Variants in DENND5A observed in about 807,000 individuals in gnomAD.
The protein encoded by DENND5A is DENN domain-containing protein 5A.
DENND5A carries 64 observed loss-of-function variants against 140.3 expected under a neutral mutation model. The observed-to-expected ratio is 0.46, with a 90% CI of 0.37 to 0.56. DENND5A has a LOEUF of 0.56. DENND5A is among the 20% of genes least tolerant of loss of function. The probability of loss-of-function intolerance (pLI) is 0.00; values close to 1 mark genes in which losing one functional copy is unlikely to be tolerated. For synonymous variants in DENND5A, 605 were observed against 607.7 expected (o/e 1.00, Z 0.07); for missense variants, 1,292 against 1,593.8 (o/e 0.81, Z 3.22).
intron 10 of DENND5A, among the ~76,000 whole-genome samples, chr11:9,168,065 T>A (rs1038521073): frequency 6.6e-6 from 1 of 151,818 alleles, no homozygotes; most frequent in African/African-American, 2.4e-5. Context: ...TTTGTCACCT[T>A]TGTATTTCAA....
chr11:9,174,043 C>A (rs1414833590), intron 8 of DENND5A, among the ~76,000 whole-genome samples: 1 of 122,742 alleles, frequency 8.1e-6, no homozygotes, highest in Non-Finnish European at 1.6e-5. Context: ...GCAGAAGTTG[C>A]AGTGAGCCTA....
At chr11:9,249,222 C>T (rs570466891) in intron 1 of DENND5A, among the ~76,000 whole-genome samples, 6 of 150,226 alleles carry the variant, frequency 4.0e-5, no homozygotes, top group South Asian at 2.1e-4. Flanking sequence ...AGCGAGACTC[C>T]GACTCAAAAA....
intron 5 of DENND5A, among the ~76,000 whole-genome samples, chr11:9,192,367 G>A (rs1208555266): frequency 4.6e-5 from 7 of 152,150 alleles, no homozygotes; most frequent in African/African-American, 1.7e-4. Context: ...GGTGGCTCAC[G>A]CCTGTAATCC....
intron 7 of DENND5A, 110 bp from the exon 8 acceptor site, chr11:9,178,476 T>TACCA (rs1428403592): frequency 1.5e-6 from 1 of 667,378 alleles, no homozygotes; most frequent in Non-Finnish European, 2.6e-6. Context: ...TCTTTAAGAA[T>TACCA]ACCAAGCTGC....
At chr11:9,205,652 G>C (rs12271176) in intron 3 of DENND5A, among the ~76,000 whole-genome samples, 7,418 of 152,268 alleles carry the variant, frequency 0.049, 599 homozygotes, top group African/African-American at 0.17. Context: ...CAGCACTTTG[G>C]GAGGTCAAGG....
chr11:9,178,609 T>C (rs1209205562), intron 7 of DENND5A, among the ~76,000 whole-genome samples: 1 of 152,120 alleles, frequency 6.6e-6, no homozygotes, highest in East Asian at 1.9e-4. Context: ...AGAATCCTGA[T>C]GTTCACTCTA....
chr11:9,253,571 G>A (rs1851818379), intron 1 of DENND5A, among the ~76,000 whole-genome samples: 1 of 151,766 alleles, frequency 6.6e-6, no homozygotes, highest in African/African-American at 2.4e-5. Context: ...GGCCAGCCTG[G>A]GCAAGATGGT....
chr11:9,173,712 T>G (rs574813053), intron 8 of DENND5A, among the ~76,000 whole-genome samples: 16 of 152,322 alleles, frequency 1.1e-4, no homozygotes, highest in Admixed American at 2.0e-4. Context: ...AAAAGTAGAC[T>G]GTGATAAGTT....
At chr11:9,235,980 C>G (rs867936769) in intron 1 of DENND5A, among the ~76,000 whole-genome samples, 2 of 152,152 alleles carry the variant, frequency 1.3e-5, no homozygotes, top group Non-Finnish European at 2.9e-5. Flanking sequence ...GTGGCTCATA[C>G]CTGTAATCTC....
intron 3 of DENND5A, among the ~76,000 whole-genome samples, chr11:9,206,083 A>C (rs1849683203): frequency 6.6e-6 from 1 of 152,228 alleles, no homozygotes; most frequent in Admixed American, 6.5e-5. Flanking sequence ...TGTTTATTTA[A>C]TACTACCCAT....
At chr11:9,226,595 C>T (rs1190572837) in intron 1 of DENND5A, among the ~76,000 whole-genome samples, 2 of 152,096 alleles carry the variant, frequency 1.3e-5, no homozygotes, top group African/African-American at 4.8e-5. Flanking sequence ...AATTATTTAA[C>T]ACAATAAAGT....
intron 1 of DENND5A, among the ~76,000 whole-genome samples, chr11:9,218,135 A>G (rs769862619): frequency 9.9e-5 from 15 of 151,740 alleles, no homozygotes; most frequent in Non-Finnish European, 1.5e-4. Context: ...GGTGCCCACC[A>G]GTAGTCTCAG....
chr11:9,222,429 A>G (rs12289113), intron 1 of DENND5A, among the ~76,000 whole-genome samples: 43,329 of 152,112 alleles, frequency 0.28, 6,817 homozygotes, highest in South Asian at 0.5. Flanking sequence ...GAAACCTTTT[A>G]GATCACTAAG....
At chr11:9,198,441 T>C (rs1849407717) in intron 4 of DENND5A, among the ~76,000 whole-genome samples, 1 of 151,604 alleles carries the variant, frequency 6.6e-6, no homozygotes, top group African/African-American at 2.4e-5. Flanking sequence ...AGAAACTGCA[T>C]CTCTACCAAA....
intron 1 of DENND5A, among the ~76,000 whole-genome samples, chr11:9,247,229 T>TA (rs75951139): frequency 0.17 from 21,137 of 126,696 alleles, 1,863 homozygotes; most frequent in Non-Finnish European, 0.23. Flanking sequence ...GACTCCGTCT[T>TA]AAAAAAAAAA....
intron 3 of DENND5A, among the ~76,000 whole-genome samples, chr11:9,205,789 C>A (rs1172225765): frequency 1.3e-5 from 2 of 152,142 alleles, no homozygotes; most frequent in Admixed American, 1.3e-4. Context: ...CCCAGCTACT[C>A]GGGTGGCTGA....
intron 1 of DENND5A, among the ~76,000 whole-genome samples, chr11:9,215,017 G>A (rs1047572038): frequency 4.6e-5 from 7 of 152,080 alleles, no homozygotes; most frequent in African/African-American, 9.7e-5. Context: ...ATGAGTCACC[G>A]CACCAGCCCC....
chr11:9,170,287 C>T, intron 9 of DENND5A: 1 of 984,810 alleles, frequency 1.0e-6, no homozygotes, highest in Middle Eastern at 5.2e-4. Flanking sequence ...ACCTACTTTT[C>T]AGTTCAGGTT....
At chr11:9,213,108 A>G (rs892522218) in intron 1 of DENND5A, among the ~76,000 whole-genome samples, 1 of 149,632 alleles carries the variant, frequency 6.7e-6, no homozygotes, top group South Asian at 2.1e-4. Flanking sequence ...GGTTCAAGTG[A>G]TTCTCCTTCC....
Sources: gnomAD v4.1 joint callset for allele counts (sites outside exome capture counted in the v4.1 genomes callset) on GRCh38, gnomAD v4.1.1 for gene constraint, MANE v1.5 for transcripts, NCBI Gene and HGNC (gene_info 2026-07-23, HGNC 2026-07-21) for gene names.